ZRANB2: variants seen among roughly 807,000 people sequenced by gnomAD.
ZRANB2 encodes the protein zinc finger RANBP2-type containing 2.
In ZRANB2, 19 loss-of-function variants were observed where a neutral mutation model predicts 53.4. The observed-to-expected ratio is 0.36, with a 90% confidence interval of 0.25 to 0.52. The LOEUF is 0.52. ZRANB2 is among the 20% of genes least tolerant of loss of function. The pLI is 0.93. For missense variants in ZRANB2, 309 were observed against 401.1 expected (o/e 0.77, Z 1.96); for synonymous variants, 145 against 134.8 (o/e 1.08, Z -0.52).
chr1:71,067,406 T>C (rs1661471547), intron 8 of ZRANB2: 2 of 245,342 alleles, frequency 8.2e-6, no homozygotes, highest in Admixed American at 1.2e-4. Context: ...ACCAGGTATA[T>C]GGCACAGCAA....
chr1:71,065,185 A>C, intron 9 of ZRANB2, 48 bp from the exon 10 acceptor site: 1 of 1,424,758 alleles, frequency 7.0e-7, no homozygotes, highest in Non-Finnish European at 9.8e-7. Flanking sequence ...GCTAGAGCTA[A>C]ATCTCAGCAT....
At chr1:71,078,779 T>C (rs41287942) in intron 1 of ZRANB2, 71 bp from the exon 2 acceptor site, 476 of 1,289,728 alleles carry the variant, frequency 3.7e-4, no homozygotes, top group Non-Finnish European at 5.1e-4. Context: ...TTGTCCTCAC[T>C]ACATATCTGG....
rs1311057048 is a variant in ZRANB2, at chr1:71,065,033, T to C, written c.*41A>G. The C allele has an allele frequency of 1.4e-6, 2 of 1,438,824 alleles. No individual in the cohort carries two copies. Among genetic ancestry groups the C allele is most frequent in the South Asian group, 1.2e-5 (1 of 83,636 alleles). 89.1% of individuals were successfully genotyped at this position (1,438,824 alleles called of 1,614,324 possible). ...CCAACTTCTTTAAAAATATGCTTCA[T>C]GCACTGTACTGGATTTTTTTAAGAT... On this transcript the variant is annotated 3_prime_UTR_variant, in exon 10 of 10. Coordinates refer to ENST00000370920, the MANE Select transcript of ZRANB2 (RefSeq NM_203350.3).
At chr1:71,065,209 T>C (rs1661396065) in intron 9 of ZRANB2, 72 bp from the exon 10 acceptor site, 1 of 1,227,620 alleles carries the variant, frequency 8.1e-7, no homozygotes, top group Admixed American at 2.1e-5. Flanking sequence ...TTCTTAAGAC[T>C]GTGAAAGTAT....
At chr1:71,069,426 A>C in intron 7 of ZRANB2, 64 bp from the exon 8 acceptor site, 1 of 1,220,260 alleles carries the variant, frequency 8.2e-7, no homozygotes, top group Non-Finnish European at 1.2e-6. Context: ...TGATATGAAC[A>C]CTGAAAGAAA....
chr1:71,064,339 T>A lies in ZRANB2; in HGVS notation c.*735A>T, dbSNP rs779688233. On this transcript the variant is annotated 3_prime_UTR_variant, in exon 10 of 10. Coordinates refer to ENST00000370920, the MANE Select transcript of ZRANB2 (RefSeq NM_203350.3). ...ATATCACACAAAGCTTCTTAAAACA[T>A]TGGTAAACATTTTGAGATGTCTTTA... The A allele has an allele frequency of 6.6e-6, 1 of 152,276 alleles. No homozygotes were observed. The highest frequency in any genetic ancestry group is 1.9e-4 in the East Asian group (1 of 5,188). 9.4% of individuals were successfully genotyped at this position (152,276 alleles called of 1,614,324 possible).
chr1:71,080,456 A>T (rs2101054408), intron 1 of ZRANB2, among the ~76,000 whole-genome samples: 1 of 152,312 alleles, frequency 6.6e-6, no homozygotes, highest in Non-Finnish European at 1.5e-5. Flanking sequence ...GGAAAAGGGG[A>T]AAATAGTATG....
Position 71,066,928 on chromosome 1 carries a change from G to A in ZRANB2, c.777C>T (p.Ser259=), listed in dbSNP as rs1393734870. 1.3e-6 allele frequency: 2 copies of A among 1,567,020 alleles called. No homozygotes were observed. Among genetic ancestry groups the A allele is most frequent in the Non-Finnish European group, 1.7e-6 (2 of 1,158,240 alleles). The stretch of plus-strand genomic sequence containing the variant: ...AAGAAGAGCCCCTGTGGGACCTGGA[G>A]CTGGATCTTCATTGATTGAGAAACA... ...SRSRGSKSRS[S]SRSHRGSSSP... The change falls in exon 9 of 10, where the codon AGC becomes AGT. Residue 259 remains serine, a synonymous_variant. Coordinates refer to ENST00000370920, the MANE Select transcript of ZRANB2 (RefSeq NM_203350.3).
intron 6 of ZRANB2, 109 bp downstream of exon 6, chr1:71,072,012 T>C (rs985568942): frequency 2.0e-6 from 3 of 1,463,820 alleles, no homozygotes; most frequent in African/African-American, 1.4e-5. Context: ...TGAGAACAAA[T>C]GAAAACACAG....
rs200984224 is a variant in ZRANB2, at chr1:71,077,151, A to C, written c.219-274T>G. Among the ~76,000 whole-genome samples the C allele has an allele frequency of 1.7e-4, 26 of 152,294 alleles. No homozygotes were observed. In the East Asian group the frequency reaches 4.6e-3, roughly 27 times the overall value. ...GAAGTAAATGACAAATTATAACCAC[A>C]GGTCGAGTATCACTAATCCACAAAT... On this transcript the variant is annotated intron_variant, in intron 3 of 9. Transcript: ENST00000370920.
chr1:71,075,958 C>T (rs1002124254), intron 4 of ZRANB2, among the ~76,000 whole-genome samples: 11 of 151,814 alleles, frequency 7.2e-5, no homozygotes, highest in Admixed American at 2.0e-4. Flanking sequence ...AGAGCTAGGT[C>T]GAAAAGATTG....
intron 1 of ZRANB2, 120 bp downstream of exon 1, chr1:71,080,820 G>A: frequency 8.5e-7 from 1 of 1,179,128 alleles, no homozygotes; most frequent in Non-Finnish European, 1.3e-6. Flanking sequence ...GGAACTGGCG[G>A]TTCGCCGCCT....
At position 71,069,449 on chromosome 1, in the gene ZRANB2, A is replaced by G. The variant is rs139450147; in HGVS notation, c.684-87T>C. ...ACACTGAAAGAAAGATATGTATTAGAGTTCATTTTCATATAAAAAGATAAC... is the reference window on the plus strand; with the variant it reads ...ACACTGAAAGAAAGATATGTATTAGGGTTCATTTTCATATAAAAAGATAAC... On this transcript the variant is annotated intron_variant, in intron 7 of 9. Transcript: ENST00000370920. 753 of 905,398 alleles carry G rather than the reference A, an allele frequency of 8.3e-4. 7 individuals are homozygous for G. In the African/African-American group the frequency reaches 0.011, roughly 13 times the overall value. The allele number at this position is 905,398 out of a possible 1,614,324, so 56.1% of individuals were successfully genotyped here. A position where few individuals can be genotyped will look rare whatever the true frequency, so the allele number is the denominator to read the frequency against.
intron 9 of ZRANB2, chr1:71,066,349 CAT>C (rs1661436269): frequency 6.4e-6 from 1 of 156,316 alleles, no homozygotes; most frequent in Non-Finnish European, 1.4e-5. Context: ...TGCATTTACA[CAT>C]ATTTAAATGA....
At chr1:71,070,714 A>C (rs1047106472) in intron 7 of ZRANB2, 113 bp downstream of exon 7, 2 of 632,116 alleles carry the variant, frequency 3.2e-6, no homozygotes, top group African/African-American at 1.9e-5. Context: ...ATTTGAATTA[A>C]ATTTTTAAAA....
Position 71,064,912 on chromosome 1 carries a change from T to G in ZRANB2, c.*162A>C. 2.1e-6 allele frequency: 1 copy of G among 468,024 alleles called. No homozygotes were observed. The allele number at this position is 468,024 out of a possible 1,614,324, so 29.0% of individuals were successfully genotyped here. ...TTATGGCTTAAAATGCTATTTACTT[T>G]TAACTTCACAAATAAACACAGCTGT... is the stretch of plus-strand genomic sequence containing the variant. On this transcript the variant is annotated 3_prime_UTR_variant, in exon 10 of 10. Transcript: ENST00000370920.
At chr1:71,075,715 T>C (rs1404565896) in intron 4 of ZRANB2, among the ~76,000 whole-genome samples, 1 of 151,510 alleles carries the variant, frequency 6.6e-6, no homozygotes, top group Non-Finnish European at 1.5e-5. Flanking sequence ...GTGCATACCT[T>C]AGGTGAGGGA....
At chr1:71,080,588 G>A (rs534488357) in intron 1 of ZRANB2, among the ~76,000 whole-genome samples, 25 of 138,388 alleles carry the variant, frequency 1.8e-4, no homozygotes, top group African/African-American at 6.6e-4. Context: ...TCACGTGGGG[G>A]AGATCCAACA....
At chr1:71,077,384 T>C (rs936936672) in intron 3 of ZRANB2, among the ~76,000 whole-genome samples, 3 of 152,188 alleles carry the variant, frequency 2.0e-5, no homozygotes, top group Non-Finnish European at 4.4e-5. Context: ...AATTTCTCAG[T>C]CTCTGAATAT....
Sources: gnomAD v4.1 joint callset for allele counts (sites outside exome capture counted in the v4.1 genomes callset) on GRCh38, gnomAD v4.1.1 for gene constraint, MANE v1.5 for transcripts, NCBI Gene and HGNC (gene_info 2026-07-23, HGNC 2026-07-21) for gene names.